Variants in CACNA1D observed in about 807,000 individuals in gnomAD.
CACNA1D encodes calcium voltage-gated channel subunit alpha1 D.
A neutral mutation model predicts 257.1 loss-of-function variants in CACNA1D; 55 were observed. That is an observed-to-expected ratio of 0.21 (90% CI 0.17 to 0.27). The LOEUF (loss-of-function observed/expected upper bound fraction) is 0.27. CACNA1D is among the 10% of genes least tolerant of loss of function. The pLI is 1.00. For missense variants in CACNA1D, 1,876 were observed against 2,784.0 expected, an observed-to-expected ratio of 0.67 and a Z score of 7.34; for synonymous variants, 980 against 1,014.9, an observed-to-expected ratio of 0.97 and a Z score of 0.65.
intron 11 of CACNA1D, among the ~76,000 whole-genome samples, chr3:53,721,050 A>C (rs2094878081): frequency 2.0e-5 from 3 of 152,224 alleles, no homozygotes; most frequent in South Asian, 4.1e-4. Flanking sequence ...GTGGTTCACC[A>C]GTATGATGGA....
intron 9 of CACNA1D, among the ~76,000 whole-genome samples, chr3:53,706,068 G>T (rs376520487): frequency 1.3e-5 from 2 of 152,210 alleles, no homozygotes; most frequent in Admixed American, 1.3e-4. Context: ...ATCACCCCAC[G>T]TGCCTTCCAC....
At chr3:53,767,552 G>A (rs2095340362) in intron 30 of CACNA1D, among the ~76,000 whole-genome samples, 1 of 138,198 alleles carries the variant, frequency 7.2e-6, no homozygotes, top group East Asian at 2.2e-4. Context: ...GGTGACAGAG[G>A]GAGACTCTAT....
chr3:53,803,391 C>T (rs1263318677), intron 43 of CACNA1D, 32 bp from the exon 44 acceptor site: 2 of 1,613,650 alleles, frequency 1.2e-6, no homozygotes, highest in East Asian at 4.5e-5. Flanking sequence ...TGCCGCCTGC[C>T]CAGGTTCTCA....
chr3:53,700,268 C>G (rs1240225359), intron 8 of CACNA1D, among the ~76,000 whole-genome samples: 1 of 151,812 alleles, frequency 6.6e-6, no homozygotes. Flanking sequence ...TGTATGTAAC[C>G]ATCTGAATTT....
intron 40 of CACNA1D, among the ~76,000 whole-genome samples, chr3:53,794,773 C>T (rs1245159483): frequency 6.6e-6 from 1 of 152,200 alleles, no homozygotes; most frequent in Non-Finnish European, 1.5e-5. Flanking sequence ...CCTCACTGTG[C>T]TCTCATGAGA....
intron 3 of CACNA1D, among the ~76,000 whole-genome samples, chr3:53,575,873 T>C (rs17053206): frequency 0.054 from 8,286 of 152,272 alleles, 743 homozygotes; most frequent in African/African-American, 0.19. Flanking sequence ...CAAAAGTCAC[T>C]AAGAGAATCC....
chr3:53,737,065 G>A (rs1399832772), intron 20 of CACNA1D, among the ~76,000 whole-genome samples: 2 of 151,962 alleles, frequency 1.3e-5, no homozygotes, highest in African/African-American at 4.8e-5. Context: ...TTGGGAGGCC[G>A]AAGTGGGTGG....
intron 8 of CACNA1D, among the ~76,000 whole-genome samples, chr3:53,676,855 C>A (rs746190990): frequency 1.3e-5 from 2 of 152,206 alleles, no homozygotes; most frequent in African/African-American, 4.8e-5. Context: ...TGCAGCCATG[C>A]ATGAATATAG....
chr3:53,716,231 A>G (rs1233228961), intron 9 of CACNA1D, among the ~76,000 whole-genome samples: 3 of 152,228 alleles, frequency 2.0e-5, no homozygotes, highest in Non-Finnish European at 4.4e-5. Context: ...AGAGACAGGA[A>G]AGTGAAGCCT....
intron 3 of CACNA1D, among the ~76,000 whole-genome samples, chr3:53,504,790 A>G (rs1469331947): frequency 6.6e-6 from 1 of 152,084 alleles, no homozygotes; most frequent in Non-Finnish European, 1.5e-5. Flanking sequence ...AAAATGCTTT[A>G]TTTCATATCA....
At chr3:53,659,809 A>G (rs2108324532) in intron 4 of CACNA1D, among the ~76,000 whole-genome samples, 1 of 152,370 alleles carries the variant, frequency 6.6e-6, no homozygotes, top group East Asian at 1.9e-4. Flanking sequence ...GGTAGCCACC[A>G]AGATGGCTGT....
At chr3:53,566,533 C>G (rs1415886048) in intron 3 of CACNA1D, among the ~76,000 whole-genome samples, 1 of 152,128 alleles carries the variant, frequency 6.6e-6, no homozygotes, top group Non-Finnish European at 1.5e-5. Flanking sequence ...TATTCACTGT[C>G]TGCCCTCCCT....
intron 3 of CACNA1D, among the ~76,000 whole-genome samples, chr3:53,621,905 G>C (rs6445590): frequency 6.6e-6 from 1 of 151,988 alleles, no homozygotes; most frequent in Non-Finnish European, 1.5e-5. Flanking sequence ...TAAAACCATA[G>C]GACATGCTAC....
rs760934987 is a variant in CACNA1D at position 53,811,358 on chromosome 3, G to A, written c.6438G>A (p.Arg2146=). 38 of 1,593,144 alleles carry A rather than the reference G, an allele frequency of 2.4e-5. No individual in the cohort carries two copies. The highest frequency in any genetic ancestry group is 1.5e-4 in the Admixed American group (9 of 58,574). ...GYSDEEPDPG[R]DEEDLADEMI... The stretch of plus-strand genomic sequence containing the variant: ...GCGACGAAGAGCCAGACCCTGGGAG[G>A]GATGAGGAGGACCTGGCGGATGAAA... The change falls in exon 48 of 48, where the codon AGG becomes AGA. Residue 2146 remains arginine, a synonymous_variant. Coordinates refer to ENST00000350061, the MANE Select transcript of CACNA1D (RefSeq NM_001128840.3). This position sits in a 1 kb window ranked among gnomAD's most constrained non-coding sequence, Gnocchi z 4.2.
chr3:53,736,521 G>C (rs1412540302), intron 20 of CACNA1D, among the ~76,000 whole-genome samples: 2 of 152,188 alleles, frequency 1.3e-5, no homozygotes, highest in Non-Finnish European at 2.9e-5. Context: ...ACCAGGCAGA[G>C]CCACTTGGAC....
chr3:53,657,069 A>G (rs187342468), intron 4 of CACNA1D, among the ~76,000 whole-genome samples: 1 of 152,332 alleles, frequency 6.6e-6, no homozygotes, highest in Admixed American at 6.5e-5. Context: ...TGTTTATCCA[A>G]GAAAAATGAA....
chr3:53,553,368 G>A (rs1040990584), intron 3 of CACNA1D, among the ~76,000 whole-genome samples: 2 of 152,190 alleles, frequency 1.3e-5, no homozygotes, highest in Admixed American at 1.3e-4. Context: ...CTGCCTGCCT[G>A]CACAGTCTTT....
rs2094900774 is a variant in CACNA1D, at chr3:53,723,339, C to T, written c.1667-95C>T. 2 of 882,812 alleles carry T rather than the reference C, an allele frequency of 2.3e-6. No homozygotes were observed. Among genetic ancestry groups the T allele is most frequent in the African/African-American group, 1.6e-5 (1 of 61,158 alleles). 54.7% of individuals were successfully genotyped at this position (882,812 alleles called of 1,614,324 possible). The stretch of plus-strand genomic sequence containing the variant: ...GAGAGACAAGGTATTGGCGTATTTC[C>T]TGTGGGGCCTGATAGGGAGGGAGGT... On this transcript the variant is annotated intron_variant, in intron 12 of 47. Transcript: ENST00000350061. The surrounding 1 kb of genome is among the most constrained non-coding windows in gnomAD (Gnocchi z 5.6).
At chr3:53,796,113 T>A (rs924591933) in intron 40 of CACNA1D, 3 of 283,242 alleles carry the variant, frequency 1.1e-5, no homozygotes, top group African/African-American at 6.5e-5. Context: ...GTTTATTCCA[T>A]AAGAACTTAA....
Sources: gnomAD v4.1 joint callset for allele counts (sites outside exome capture counted in the v4.1 genomes callset) on GRCh38, gnomAD v4.1.1 for gene constraint, Gnocchi (gnomAD v3.1) non-coding constraint, MANE v1.5 for transcripts, NCBI Gene and HGNC (gene_info 2026-07-23, HGNC 2026-07-21) for gene names.